The following RAB2A variants were observed in gnomAD, a reference collection of about 807,000 sequenced individuals.
RAB2A encodes the protein RAB2A, member RAS oncogene family.
A neutral mutation model predicts 32.5 loss-of-function variants in RAB2A; 7 were observed. That is an observed-to-expected ratio of 0.22 (90% confidence interval 0.12 to 0.40). The LOEUF is 0.40. RAB2A is among the 10% of genes least tolerant of loss of function. The probability of loss-of-function intolerance (pLI) is 1.00; values close to 1 mark genes in which losing one functional copy is unlikely to be tolerated. For missense variants in RAB2A, 108 were observed against 260.7 expected, an observed-to-expected ratio of 0.41 and a Z score of 4.03; for synonymous variants, 79 against 85.2, an observed-to-expected ratio of 0.93 and a Z score of 0.40.
intron 3 of RAB2A, among the ~76,000 whole-genome samples, chr8:60,573,457 A>G (rs555618519): frequency 1.3e-4 from 20 of 152,214 alleles, no homozygotes; most frequent in African/African-American, 4.6e-4. Context: ...GTTTCCTGAT[A>G]CTTCCTATGT....
chr8:60,564,342 G>A (rs1459972643), intron 2 of RAB2A, among the ~76,000 whole-genome samples: 1 of 152,136 alleles, frequency 6.6e-6, no homozygotes, highest in East Asian at 1.9e-4. Context: ...CCTACTGAAG[G>A]ACACTGCTTT....
At chr8:60,607,999 G>C (rs1041254374) in intron 6 of RAB2A, among the ~76,000 whole-genome samples, 6 of 152,080 alleles carry the variant, frequency 3.9e-5, no homozygotes, top group African/African-American at 1.4e-4. Flanking sequence ...CCATTTCCTT[G>C]TTCTTTTTCT....
intron 1 of RAB2A, among the ~76,000 whole-genome samples, chr8:60,524,496 C>G (rs1230565654): frequency 6.6e-6 from 1 of 152,198 alleles, no homozygotes; most frequent in East Asian, 1.9e-4. Context: ...AAGAAACTGT[C>G]CCATTTGATT....
rs115149681 is a variant in RAB2A at position 60,598,768 on chromosome 8, C to T, written c.474+6799C>T. On this transcript the variant is annotated intron_variant, in intron 6 of 7. Transcript: ENST00000262646. ...AAATAGGAATTGAGGAGGACTTCCTCAACTTGTTAAAGAGCACGTGAACAC... is the reference window on the plus strand; with the variant it reads ...AAATAGGAATTGAGGAGGACTTCCTTAACTTGTTAAAGAGCACGTGAACAC... Among the ~76,000 whole-genome samples, 443 of 151,434 alleles carry T rather than the reference C, an allele frequency of 2.9e-3. 3 individuals are homozygous for T. Among genetic ancestry groups the T allele is most frequent in the African/African-American group, 0.01 (421 of 41,308 alleles).
intron 1 of RAB2A, among the ~76,000 whole-genome samples, chr8:60,529,404 GT>G (rs1237528634): frequency 6.6e-6 from 1 of 152,008 alleles, no homozygotes; most frequent in East Asian, 1.9e-4. Context: ...ATCTCATATT[GT>G]GACAATGGAT....
At chr8:60,581,888 A>G (rs1258602948) in intron 3 of RAB2A, among the ~76,000 whole-genome samples, 4 of 151,968 alleles carry the variant, frequency 2.6e-5, no homozygotes, top group African/African-American at 9.7e-5. Flanking sequence ...ATCAATTTAA[A>G]ATAAAAACAA....
chr8:60,563,557 C>T (rs570415186), intron 2 of RAB2A, among the ~76,000 whole-genome samples: 2 of 152,240 alleles, frequency 1.3e-5, no homozygotes, highest in African/African-American at 4.8e-5. Flanking sequence ...CACATCCTGG[C>T]CTCTCAGTGG....
intron 1 of RAB2A, among the ~76,000 whole-genome samples, chr8:60,550,526 G>T (rs1431493267): frequency 6.6e-6 from 1 of 151,910 alleles, no homozygotes; most frequent in Non-Finnish European, 1.5e-5. Context: ...TGGGACTAAG[G>T]TGTGCACCAC....
chr8:60,583,971 C>T (rs1046721461), intron 3 of RAB2A: 3 of 352,668 alleles, frequency 8.5e-6, no homozygotes, highest in South Asian at 7.5e-5. Context: ...AGAGGTCTTG[C>T]GGGCTGGGGA....
Position 60,616,114 on chromosome 8 carries a change from T to G in RAB2A, c.475-2466T>G, listed in dbSNP as rs114993103. ...GCATGCCTTTCAGATAAAAAAATAC[T>G]GTATGTACATCCTTAATTCATCTGG... On this transcript the variant is annotated intron_variant, in intron 6 of 7. Transcript: ENST00000262646. Among the ~76,000 whole-genome samples, 582 of 152,322 alleles carry G rather than the reference T, an allele frequency of 3.8e-3. 5 individuals are homozygous for G. Among genetic ancestry groups the G allele is most frequent in the African/African-American group, 0.013 (561 of 41,580 alleles).
intron 1 of RAB2A, among the ~76,000 whole-genome samples, chr8:60,556,170 C>T (rs1436095212): frequency 1.3e-5 from 2 of 151,958 alleles, no homozygotes; most frequent in African/African-American, 4.8e-5. Context: ...AAGTTGAGCT[C>T]ATAAAGGCAG....
At chr8:60,524,276 C>T (rs963266926) in intron 1 of RAB2A, among the ~76,000 whole-genome samples, 35 of 152,314 alleles carry the variant, frequency 2.3e-4, no homozygotes, top group African/African-American at 8.2e-4. Context: ...AGCTCTCCTC[C>T]TCTTGCAGTA....
At chr8:60,604,773 C>T (rs539701320) in intron 6 of RAB2A, among the ~76,000 whole-genome samples, 1 of 152,274 alleles carries the variant, frequency 6.6e-6, no homozygotes, top group East Asian at 1.9e-4. Flanking sequence ...TAGCCTATCT[C>T]ATATGTGTGA....
chr8:60,519,390 T>C (rs140325448), intron 1 of RAB2A, among the ~76,000 whole-genome samples: 21 of 152,334 alleles, frequency 1.4e-4, no homozygotes, highest in Middle Eastern at 3.4e-3. Flanking sequence ...GTTTTTTTCC[T>C]GGGCACTGCT....
At chr8:60,557,278 C>T (rs1370572126) in intron 1 of RAB2A, among the ~76,000 whole-genome samples, 2 of 152,040 alleles carry the variant, frequency 1.3e-5, no homozygotes, top group Admixed American at 6.6e-5. Context: ...CATTTTGGGA[C>T]GCCGAGGGGG....
At chr8:60,548,453 T>C (rs1210650247) in intron 1 of RAB2A, among the ~76,000 whole-genome samples, 48 of 25,830 alleles carry the variant, frequency 1.9e-3, no homozygotes, top group South Asian at 3.2e-3. Flanking sequence ...CACTTCCCAG[T>C]AGGGGCGGCC....
rs1245609415 is a variant in RAB2A, at chr8:60,622,903, T to C, written c.*2134T>C. 1.3e-5 allele frequency: 2 copies of C among 152,210 alleles called. No homozygotes were observed. Among genetic ancestry groups the C allele is most frequent in the African/African-American group, 4.8e-5 (2 of 41,456 alleles). 9.4% of individuals were successfully genotyped at this position (152,210 alleles called of 1,614,324 possible). A position where few individuals can be genotyped will look rare whatever the true frequency, so the allele number is the denominator to read the frequency against. ...TCCTTTCTGTTAATTGAGAAAGCAA[T>C]GTTATTGTCTGTGATTTCCAGTCTT... On this transcript the variant is annotated 3_prime_UTR_variant, in exon 8 of 8. Coordinates refer to ENST00000262646, the MANE Select transcript of RAB2A (RefSeq NM_002865.3).
intron 1 of RAB2A, among the ~76,000 whole-genome samples, chr8:60,532,787 T>C (rs570167039): frequency 1.8e-4 from 27 of 152,328 alleles, no homozygotes; most frequent in Admixed American, 6.5e-4. Context: ...TGGGATTACA[T>C]ACATGAGCCA....
At chr8:60,560,651 A>G (rs1278500722) in intron 2 of RAB2A, among the ~76,000 whole-genome samples, 4 of 152,330 alleles carry the variant, frequency 2.6e-5, no homozygotes, top group Admixed American at 2.6e-4. Flanking sequence ...TCCAACCCAC[A>G]ACCTGCATGC....
Sources: gnomAD v4.1 joint callset for allele counts (sites outside exome capture counted in the v4.1 genomes callset) on GRCh38, gnomAD v4.1.1 for gene constraint, MANE v1.5 for transcripts, NCBI Gene and HGNC (gene_info 2026-07-23, HGNC 2026-07-21) for gene names.